Variants in SLC10A7 observed in about 807,000 individuals in gnomAD.
SLC10A7 encodes sodium/bile acid cotransporter 7.
In SLC10A7, 29 loss-of-function variants were observed where a neutral mutation model predicts 43.2. The observed-to-expected ratio is 0.67, with a 90% CI of 0.50 to 0.92. SLC10A7 has a LOEUF of 0.92. SLC10A7 is among the 40% of genes least tolerant of loss of function. SLC10A7 has a pLI of 0.00. For synonymous variants in SLC10A7, 152 were observed against 144.8 expected (o/e 1.05, Z -0.35); for missense variants, 295 against 403.2 (o/e 0.73, Z 2.30).
At chr4:146,259,493 C>T (rs544472002) in intron 10 of SLC10A7, among the ~76,000 whole-genome samples, 12 of 152,154 alleles carry the variant, frequency 7.9e-5, no homozygotes, top group Non-Finnish European at 1.5e-4. Flanking sequence ...CTCAGCTACT[C>T]AGGAGGCTGA....
chr4:146,308,549 T>C (rs1336209175), intron 6 of SLC10A7, among the ~76,000 whole-genome samples: 1 of 152,110 alleles, frequency 6.6e-6, no homozygotes, highest in Non-Finnish European at 1.5e-5. Flanking sequence ...ATTTGGTTCT[T>C]CATATTTTAA....
At chr4:146,438,418 T>A (rs1579187407) in intron 5 of SLC10A7, among the ~76,000 whole-genome samples, 1 of 152,212 alleles carries the variant, frequency 6.6e-6, no homozygotes, top group African/African-American at 2.4e-5. Flanking sequence ...CTCGTACAGA[T>A]CTTTTTTAGA....
chr4:146,454,920 ATATC>A (rs1485439428), intron 4 of SLC10A7, among the ~76,000 whole-genome samples: 1 of 151,916 alleles, frequency 6.6e-6, no homozygotes, highest in Admixed American at 6.6e-5. Flanking sequence ...TTATTGATAA[ATATC>A]TAAGATTTTT....
chr4:146,382,926 G>A (rs2149793361), intron 5 of SLC10A7, among the ~76,000 whole-genome samples: 1 of 151,668 alleles, frequency 6.6e-6, no homozygotes, highest in South Asian at 2.1e-4. Context: ...GGGGGTGGGG[G>A]GTGCAGAATA....
At chr4:146,280,195 C>CA (rs1729458458) in intron 10 of SLC10A7, among the ~76,000 whole-genome samples, 1 of 151,994 alleles carries the variant, frequency 6.6e-6, no homozygotes, top group South Asian at 2.1e-4. Context: ...TATACACACA[C>CA]ATATATAATC....
At chr4:146,466,885 C>T (rs1056379300) in intron 4 of SLC10A7, among the ~76,000 whole-genome samples, 15 of 152,066 alleles carry the variant, frequency 9.9e-5, no homozygotes, top group African/African-American at 3.6e-4. Flanking sequence ...AAAGGTGAGA[C>T]CTTAGGAGGA....
chr4:146,265,314 G>T (rs956733507), intron 10 of SLC10A7, among the ~76,000 whole-genome samples: 1 of 152,330 alleles, frequency 6.6e-6, no homozygotes, highest in African/African-American at 2.4e-5. Context: ...TGTGTTAACT[G>T]CATTAAACCA....
At chr4:146,264,917 A>C (rs1464237094) in intron 10 of SLC10A7, among the ~76,000 whole-genome samples, 2 of 151,936 alleles carry the variant, frequency 1.3e-5, no homozygotes, top group Non-Finnish European at 2.9e-5. Context: ...TTCTGACATA[A>C]CTCCTTGTCT....
intron 5 of SLC10A7, among the ~76,000 whole-genome samples, chr4:146,342,383 A>G (rs1734325951): frequency 6.6e-6 from 1 of 151,796 alleles, no homozygotes; most frequent in East Asian, 1.9e-4. Flanking sequence ...GACCTCCAAG[A>G]GGAAGCCTAA....
intron 5 of SLC10A7, among the ~76,000 whole-genome samples, chr4:146,405,307 T>G (rs560959401): frequency 6.6e-6 from 1 of 152,298 alleles, no homozygotes; most frequent in African/African-American, 2.4e-5. Context: ...AGTCCTAATC[T>G]TTCACTTTGT....
At chr4:146,490,697 A>ATTGTGG in intron 4 of SLC10A7, among the ~76,000 whole-genome samples, 1 of 152,358 alleles carries the variant, frequency 6.6e-6, no homozygotes, top group South Asian at 2.1e-4. Context: ...AGGCTCTCTT[A>ATTGTGG]ACTGGAACTA....
chr4:146,290,236 AT>A (rs1394185741), intron 9 of SLC10A7, among the ~76,000 whole-genome samples: 6 of 148,932 alleles, frequency 4.0e-5, no homozygotes, highest in African/African-American at 1.5e-4. Flanking sequence ...AGGCAGGAGA[AT>A]GGCATGAACC....
intron 4 of SLC10A7, among the ~76,000 whole-genome samples, chr4:146,474,798 C>T (rs975243349): frequency 3.3e-5 from 5 of 151,910 alleles, no homozygotes. Flanking sequence ...AATAGAAAAT[C>T]ATGTGAAAGA....
intron 10 of SLC10A7, among the ~76,000 whole-genome samples, chr4:146,265,924 C>T (rs986027244): frequency 6.6e-6 from 1 of 152,184 alleles, no homozygotes; most frequent in African/African-American, 2.4e-5. Context: ...TTGAAAAACA[C>T]ACGTTGTGCC....
chr4:146,360,283 C>A (rs1267065216), intron 5 of SLC10A7, among the ~76,000 whole-genome samples: 3 of 152,072 alleles, frequency 2.0e-5, no homozygotes, highest in Non-Finnish European at 4.4e-5. Flanking sequence ...TGCTCCAATC[C>A]ACTTTTCCAC....
intron 5 of SLC10A7, among the ~76,000 whole-genome samples, chr4:146,377,780 T>C (rs1737308486): frequency 6.6e-6 from 1 of 152,188 alleles, no homozygotes; most frequent in Admixed American, 6.5e-5. Context: ...GAGTCTGCTT[T>C]ATTAATTTGT....
intron 5 of SLC10A7, among the ~76,000 whole-genome samples, chr4:146,406,709 G>A (rs1008557030): frequency 1.3e-5 from 2 of 152,250 alleles, no homozygotes; most frequent in African/African-American, 2.4e-5. Context: ...GTGGCCAGGC[G>A]CAGTGGCTCA....
At chr4:146,287,045 T>C (rs1730056000) in intron 9 of SLC10A7, among the ~76,000 whole-genome samples, 1 of 147,926 alleles carries the variant, frequency 6.8e-6, no homozygotes, top group Non-Finnish European at 1.5e-5. Flanking sequence ...TTTAGAGTGG[T>C]GAGAGGGACT....
rs754319808 is a variant in SLC10A7, at chr4:146,435,523, C to T, written c.435+7260G>A. 1.6e-4 allele frequency among the ~76,000 whole-genome samples: 24 copies of T among 152,306 alleles called. 1 individual carries two copies. The highest frequency in any genetic ancestry group is 3.4e-3 in the Middle Eastern group (1 of 294). The stretch of plus-strand genomic sequence containing the variant: ...ACACACAATTAGGACTTGATATTCT[C>T]ACTTTAAGAATCTGTAATGTAGATG... On this transcript the variant is annotated intron_variant, in intron 5 of 11. Coordinates refer to ENST00000335472, the MANE Select transcript of SLC10A7 (RefSeq NM_001029998.6).
Sources: gnomAD v4.1 joint callset for allele counts (sites outside exome capture counted in the v4.1 genomes callset) on GRCh38, gnomAD v4.1.1 for gene constraint, MANE v1.5 for transcripts, NCBI Gene and HGNC (gene_info 2026-07-23, HGNC 2026-07-21) for gene names.